MGMT: variants seen among roughly 807,000 people sequenced by gnomAD.
The protein encoded by MGMT is O-6-methylguanine-DNA methyltransferase, also known as methylated-DNA--protein-cysteine methyltransferase.
MGMT carries 14 observed loss-of-function variants against 15.9 expected under a neutral mutation model. The ratio of observed to expected loss-of-function variants is 0.88; its 90% confidence interval spans 0.58 to 1.37. MGMT has a LOEUF of 1.37. Among genes scored for constraint, MGMT ranks in the 40% most tolerant of loss-of-function variants. MGMT has a pLI of 0.00. For missense variants in MGMT, 282 were observed against 268.1 expected (o/e 1.05, Z -0.36); for synonymous variants, 130 against 118.2 (o/e 1.10, Z -0.65).
intron 2 of MGMT, among the ~76,000 whole-genome samples, chr10:129,706,208 A>G (rs1045402817): frequency 2.0e-5 from 3 of 152,134 alleles, no homozygotes; most frequent in East Asian, 1.9e-4. Context: ...CTCTGCGTCT[A>G]CGTTCACACT....
intron 2 of MGMT, among the ~76,000 whole-genome samples, chr10:129,656,824 C>A (rs945163680): frequency 8.6e-5 from 13 of 151,966 alleles, no homozygotes; most frequent in Admixed American, 7.2e-4. Flanking sequence ...GCAGGTTGGC[C>A]CTGAGCAGTT....
intron 2 of MGMT, among the ~76,000 whole-genome samples, chr10:129,537,894 G>A (rs188340882): frequency 1.1e-3 from 164 of 152,272 alleles, no homozygotes; most frequent in Non-Finnish European, 1.2e-3. Context: ...TGAGCTTGGG[G>A]TCTCCAGATG....
At chr10:129,550,761 T>C (rs1846148030) in intron 2 of MGMT, among the ~76,000 whole-genome samples, 1 of 152,194 alleles carries the variant, frequency 6.6e-6, no homozygotes, top group Non-Finnish European at 1.5e-5. Flanking sequence ...TCCAGAACTT[T>C]TCTGTCTTGC....
intron 2 of MGMT, among the ~76,000 whole-genome samples, chr10:129,680,056 G>A (rs1161842268): frequency 2.6e-5 from 4 of 152,308 alleles, no homozygotes; most frequent in East Asian, 3.9e-4. Context: ...CTGTACAATG[G>A]TGCAATTCAG....
chr10:129,493,310 C>T (rs549914275), intron 1 of MGMT, among the ~76,000 whole-genome samples: 5 of 152,238 alleles, frequency 3.3e-5, no homozygotes, highest in East Asian at 1.9e-4. Context: ...CCCAGTGGAG[C>T]GTCTGGAGGT....
At chr10:129,544,678 G>A (rs80136544) in intron 2 of MGMT, among the ~76,000 whole-genome samples, 13,686 of 148,906 alleles carry the variant, frequency 0.092, 815 homozygotes, top group East Asian at 0.31. Flanking sequence ...CCCTGCCCCC[G>A]GCCCCAGGCC....
At chr10:129,603,749 CA>C (rs1414106970) in intron 2 of MGMT, among the ~76,000 whole-genome samples, 3 of 152,154 alleles carry the variant, frequency 2.0e-5, no homozygotes, top group South Asian at 2.1e-4. Flanking sequence ...TTGTCGGGCA[CA>C]AAAAATACCA....
chr10:129,565,755 G>A lies in MGMT; in HGVS notation c.125+29378G>A, dbSNP rs544387670. Reference sequence around the variant, plus strand: ...GAAGACCCTGGCGCCCCGTCTCCCCGTGGATTAGCGGCCCTACTGTGAGAT... The same window carrying A: ...GAAGACCCTGGCGCCCCGTCTCCCCATGGATTAGCGGCCCTACTGTGAGAT... On this transcript the variant is annotated intron_variant, in intron 2 of 4. Transcript: ENST00000651593. Among the ~76,000 whole-genome samples, 12 of 152,226 alleles carry A rather than the reference G, an allele frequency of 7.9e-5. No individual in the cohort carries two copies. The South Asian group carries it at 1.9e-3, about 24-fold the overall frequency.
chr10:129,605,475 A>G (rs1239406030), intron 2 of MGMT, among the ~76,000 whole-genome samples: 1 of 152,134 alleles, frequency 6.6e-6, no homozygotes, highest in African/African-American at 2.4e-5. Flanking sequence ...TCACTTATTC[A>G]TATTGTAGGT....
chr10:129,631,790 C>T (rs1257905313), intron 2 of MGMT, among the ~76,000 whole-genome samples: 3 of 152,096 alleles, frequency 2.0e-5, no homozygotes, highest in African/African-American at 7.2e-5. Flanking sequence ...CAGCACTGTA[C>T]CCCAGCCTGG....
chr10:129,688,614 T>G (rs949800171), intron 2 of MGMT, among the ~76,000 whole-genome samples: 13 of 152,192 alleles, frequency 8.5e-5, no homozygotes, highest in African/African-American at 3.1e-4. Flanking sequence ...ATGGGTAGAT[T>G]GCAAAAATTT....
intron 1 of MGMT, among the ~76,000 whole-genome samples, chr10:129,508,839 G>T (rs1469603207): frequency 1.3e-5 from 2 of 152,076 alleles, no homozygotes. Context: ...GAGCCACCAG[G>T]CCTGGCCAGA....
At chr10:129,621,943 T>G (rs1207201185) in intron 2 of MGMT, among the ~76,000 whole-genome samples, 2 of 152,202 alleles carry the variant, frequency 1.3e-5, no homozygotes, top group African/African-American at 4.8e-5. Context: ...AATATAGAGA[T>G]GACTATTTAT....
At chr10:129,593,650 A>C (rs943670056) in intron 2 of MGMT, among the ~76,000 whole-genome samples, 3 of 152,204 alleles carry the variant, frequency 2.0e-5, no homozygotes, top group Admixed American at 1.3e-4. Context: ...GACAACAACA[A>C]TGGGTGGCTG....
chr10:129,529,842 A>G (rs1340462507), intron 1 of MGMT, among the ~76,000 whole-genome samples: 1 of 151,994 alleles, frequency 6.6e-6, no homozygotes, highest in Non-Finnish European at 1.5e-5. Flanking sequence ...TTACCCATGT[A>G]TTCATAATTT....
chr10:129,638,116 T>C (rs560239605), intron 2 of MGMT, among the ~76,000 whole-genome samples: 1 of 152,302 alleles, frequency 6.6e-6, no homozygotes, highest in African/African-American at 2.4e-5. Context: ...GGATTCCTGC[T>C]TTATGTACTT....
At chr10:129,595,839 C>T (rs556681986) in intron 2 of MGMT, among the ~76,000 whole-genome samples, 30 of 152,242 alleles carry the variant, frequency 2.0e-4, no homozygotes, top group African/African-American at 7.2e-4. Flanking sequence ...TCCTGTCTTG[C>T]ACTCAAGCAG....
chr10:129,548,652 C>T (rs747569860), intron 2 of MGMT, among the ~76,000 whole-genome samples: 1 of 152,238 alleles, frequency 6.6e-6, no homozygotes, highest in African/African-American at 2.4e-5. Context: ...GTTGGCTGGT[C>T]CTGCAGGCAG....
At chr10:129,519,207 T>G (rs937970871) in intron 1 of MGMT, among the ~76,000 whole-genome samples, 3 of 152,346 alleles carry the variant, frequency 2.0e-5, no homozygotes, top group Admixed American at 2.0e-4. Context: ...TATATGGTTT[T>G]TGAAGAATTT....
Sources: gnomAD v4.1 joint callset for allele counts (sites outside exome capture counted in the v4.1 genomes callset) on GRCh38, gnomAD v4.1.1 for gene constraint, MANE v1.5 for transcripts, NCBI Gene and HGNC (gene_info 2026-07-23, HGNC 2026-07-21) for gene names.